Variants in MTCL2 observed in about 807,000 individuals in gnomAD.
MTCL2 encodes microtubule cross-linking factor 2.
chr20:36,842,135 T>C, the MTCL2 span, among the ~76,000 whole-genome samples: 1 of 152,172 alleles, frequency 6.6e-6, no homozygotes, highest in African/African-American at 2.4e-5. Context: ...ACTTCTCCTT[T>C]GTAATCATTA....
chr20:36,796,174 G>A, the MTCL2 span, among the ~76,000 whole-genome samples: 1 of 152,242 alleles, frequency 6.6e-6, no homozygotes, highest in African/African-American at 2.4e-5. Flanking sequence ...CCTATTGCCT[G>A]AATCACTGAA....
chr20:36,814,723 C>T, the MTCL2 span, among the ~76,000 whole-genome samples: 2 of 152,070 alleles, frequency 1.3e-5, no homozygotes, highest in Non-Finnish European at 2.9e-5. Flanking sequence ...CCCATCTCTA[C>T]TAAAAATACA....
At chr20:36,841,917 G>GTA in the MTCL2 span, among the ~76,000 whole-genome samples, 2 of 142,004 alleles carry the variant, frequency 1.4e-5, no homozygotes, top group East Asian at 2.0e-4. Flanking sequence ...GTGTGTGTGT[G>GTA]TATACAGGGT....
chr20:36,862,529 T>A, the MTCL2 span: 15 of 856,988 alleles, frequency 1.8e-5, no homozygotes, highest in Non-Finnish European at 2.1e-5. Context: ...CTCAGAGTGG[T>A]CCCCAGAGGG....
At chr20:36,825,096 C>T in the MTCL2 span, among the ~76,000 whole-genome samples, 1 of 152,008 alleles carries the variant, frequency 6.6e-6, no homozygotes, top group African/African-American at 2.4e-5. Flanking sequence ...GCGCCCACCA[C>T]CACACTTGGC....
the MTCL2 span, among the ~76,000 whole-genome samples, chr20:36,844,785 C>T: frequency 6.6e-6 from 1 of 152,140 alleles, no homozygotes; most frequent in East Asian, 1.9e-4. Context: ...TATGGGGAGA[C>T]CGAGGCGGGC....
the MTCL2 span, among the ~76,000 whole-genome samples, chr20:36,838,068 G>C: frequency 6.7e-6 from 1 of 149,232 alleles, no homozygotes; most frequent in South Asian, 2.1e-4. Context: ...TTTTTTTTGA[G>C]ACGGAGTCTC....
At chr20:36,784,581 A>C in the MTCL2 span, 5 of 985,396 alleles carry the variant, frequency 5.1e-6, no homozygotes, top group Non-Finnish European at 4.8e-6. Context: ...AGTTACAGGA[A>C]GGCTGATGTC....
At chr20:36,784,979 G>A in the MTCL2 span, 3 of 985,352 alleles carry the variant, frequency 3.0e-6, no homozygotes, top group East Asian at 1.1e-4. Context: ...ATCCACGTTC[G>A]ACTCATGAAG....
the MTCL2 span, among the ~76,000 whole-genome samples, chr20:36,813,955 G>A: frequency 4.7e-3 from 711 of 152,156 alleles, 3 homozygotes; most frequent in African/African-American, 0.016. Context: ...GATCTGAGCT[G>A]TGTCTTTGCA....
the MTCL2 span, among the ~76,000 whole-genome samples, chr20:36,792,173 C>T: frequency 2.6e-5 from 4 of 152,104 alleles, no homozygotes; most frequent in Admixed American, 1.3e-4. Context: ...GCTGTAAATC[C>T]TCCCACTGTG....
chr20:36,824,148 C>G, the MTCL2 span, among the ~76,000 whole-genome samples: 1 of 152,134 alleles, frequency 6.6e-6, no homozygotes, highest in Non-Finnish European at 1.5e-5. Context: ...CCATCTTTGT[C>G]TTTCCCCAGT....
At chr20:36,800,788 A>G in the MTCL2 span, among the ~76,000 whole-genome samples, 1 of 152,212 alleles carries the variant, frequency 6.6e-6, no homozygotes, top group African/African-American at 2.4e-5. Flanking sequence ...TTGGGCAGAC[A>G]TTTCAAAGAT....
At chr20:36,801,081 C>G in the MTCL2 span, among the ~76,000 whole-genome samples, 2 of 152,062 alleles carry the variant, frequency 1.3e-5, no homozygotes, top group African/African-American at 4.8e-5. Context: ...CACTCTGTTG[C>G]CCAGGCTGGA....
At chr20:36,786,315 G>A in the MTCL2 span, 35 of 1,311,552 alleles carry the variant, frequency 2.7e-5, no homozygotes, top group East Asian at 5.5e-4. Flanking sequence ...CAGGAGACCC[G>A]GCTTTACCTT....
At chr20:36,850,880 T>G in the MTCL2 span, among the ~76,000 whole-genome samples, 11 of 152,256 alleles carry the variant, frequency 7.2e-5, no homozygotes, top group South Asian at 4.2e-4. Flanking sequence ...TACTCAGCGA[T>G]GAAAAGGAAA....
chr20:36,837,547 C>CATTATT, the MTCL2 span, among the ~76,000 whole-genome samples: 59 of 125,278 alleles, frequency 4.7e-4, no homozygotes, highest in Middle Eastern at 4.3e-3. Flanking sequence ...ATTTTACCCA[C>CATTATT]ATTATTATTA....
the MTCL2 span, chr20:36,803,093 T>C: frequency 1.2e-6 from 2 of 1,606,102 alleles, no homozygotes; most frequent in South Asian, 1.1e-5. Context: ...CCCCCTTCCC[T>C]GTCTTCAGCT....
chr20:36,859,033 C>T, the MTCL2 span, among the ~76,000 whole-genome samples: 4 of 152,290 alleles, frequency 2.6e-5, no homozygotes, highest in South Asian at 2.1e-4. Context: ...TTAGGTGATC[C>T]GCCCGCCTTG....
Sources: allele counts gnomAD v4.1 joint callset (sites outside exome capture counted in the v4.1 genomes callset), GRCh38; gene constraint gnomAD v4.1.1; transcripts MANE v1.5; gene names NCBI Gene and HGNC (gene_info 2026-07-23, HGNC 2026-07-21).